ITGA2: variants seen among roughly 807,000 people sequenced by gnomAD.
ITGA2 encodes the protein integrin subunit alpha 2, also known as integrin alpha-2.
Under a neutral mutation model 146.3 loss-of-function variants are expected in ITGA2, and 101 were observed. That is an observed-to-expected ratio of 0.69 (90% CI 0.59 to 0.81). The LOEUF (loss-of-function observed/expected upper bound fraction) is 0.81, where lower values mean the gene tolerates loss of function less well. Among genes scored for constraint, ITGA2 ranks in the 40% least tolerant of loss-of-function variants. The pLI is 0.00. For synonymous variants in ITGA2, 477 were observed against 487.1 expected, an observed-to-expected ratio of 0.98 and a Z score of 0.27; for missense variants, 1,281 against 1,402.7, an observed-to-expected ratio of 0.91 and a Z score of 1.39.
intron 17 of ITGA2, among the ~76,000 whole-genome samples, 171 bp downstream of exon 17, chr5:53,070,431 G>T (rs1745336021): frequency 6.6e-6 from 1 of 151,820 alleles, no homozygotes. Context: ...AATATTTATG[G>T]TCACAATCTA....
chr5:53,015,537 C>T (rs1387223938), intron 1 of ITGA2, among the ~76,000 whole-genome samples: 1 of 151,730 alleles, frequency 6.6e-6, no homozygotes. Context: ...AGAGTATGTA[C>T]CTTGTGCAGA....
rs1165035820 is a variant in ITGA2 at position 53,065,767 on chromosome 5, A to T, written c.1807-74A>T. The T allele has an allele frequency of 1.9e-6, 3 of 1,594,608 alleles. No homozygotes were observed. The African/African-American group carries it at 4.0e-5, about 21-fold the overall frequency. ...ACATTACTATATAGAAAATATAATA[A>T]TGAAATTCAGAGGCTGCCATTTTCT... On this transcript the variant is annotated intron_variant, in intron 14 of 29. Transcript: ENST00000296585.
In ITGA2 at chr5:53,026,755, A is replaced by G. The variant is rs1327123852; in HGVS notation, c.72A>G (p.Leu24=). ...TCATATTTTTCTTAATAGGCATTTT[A>G]AATTGTTGTTTGGCCTACAATGTTG... ...LLVLALSQGI[L]NCCLAYNVGL... The change falls in exon 2 of 30, where the codon TTA becomes TTG. Residue 24 remains leucine (L), a synonymous_variant. Coordinates refer to ENST00000296585, the MANE Select transcript of ITGA2 (RefSeq NM_002203.4). 2 of 1,609,140 alleles carry G rather than the reference A, an allele frequency of 1.2e-6. No individual in the cohort carries two copies. Among genetic ancestry groups the G allele is most frequent in the East Asian group, 4.5e-5 (2 of 44,800 alleles).
rs112933466 is a variant in ITGA2 at position 52,998,727 on chromosome 5, T to C, written c.64+9195T>C. On this transcript the variant is annotated intron_variant, in intron 1 of 29. Transcript: ENST00000296585. ...TTCAGAACTTGGCTATAGTTCTTAC[T>C]GACTGCAAGCTGAGAAGACAGGCCC... 6.3e-3 allele frequency among the ~76,000 whole-genome samples: 953 copies of C among 152,282 alleles called. 14 individuals carry two copies. The highest frequency in any genetic ancestry group is 0.022 in the African/African-American group (910 of 41,556).
intron 1 of ITGA2, among the ~76,000 whole-genome samples, chr5:53,015,745 A>T (rs1742373869): frequency 6.6e-6 from 1 of 152,020 alleles, no homozygotes; most frequent in African/African-American, 2.4e-5. Flanking sequence ...GTCTCTAAGG[A>T]CTTGTTTTAT....
At chr5:52,994,953 A>G (rs938636349) in intron 1 of ITGA2, among the ~76,000 whole-genome samples, 4 of 152,336 alleles carry the variant, frequency 2.6e-5, no homozygotes, top group Non-Finnish European at 4.4e-5. Flanking sequence ...TAGATCTGCC[A>G]TGAAGAACCT....
In ITGA2 at chr5:53,074,252, G is replaced by A. The variant is rs141733830; in HGVS notation, c.2572-133G>A. 521 of 730,142 alleles carry A rather than the reference G, an allele frequency of 7.1e-4. 10 individuals are homozygous for A. The East Asian group carries it at 0.014, about 20-fold the overall frequency. 45.2% of individuals were successfully genotyped at this position (730,142 alleles called of 1,614,324 possible). A position where few individuals can be genotyped will look rare whatever the true frequency, so the allele number is the denominator to read the frequency against. ...GGCAGTATAAAATTTCAAGTCTTGA[G>A]GTATAATAAATTATTTCAGTATGAA... On this transcript the variant is annotated intron_variant, in intron 20 of 29. Coordinates refer to ENST00000296585, the MANE Select transcript of ITGA2 (RefSeq NM_002203.4).
chr5:53,026,218 A>G (rs1163827990), intron 1 of ITGA2, among the ~76,000 whole-genome samples: 1 of 152,220 alleles, frequency 6.6e-6, no homozygotes, highest in Non-Finnish European at 1.5e-5. Context: ...TGATGTAGTC[A>G]TCAATGCCTT....
At position 53,087,071 on chromosome 5, in the gene ITGA2, C is replaced by CCCT. The variant is rs552453379; in HGVS notation, c.3348+30_3348+31insCCT. The CCCT allele has an allele frequency of 2.1e-4, 324 of 1,514,494 alleles. 3 individuals are homozygous for CCCT. The East Asian group carries it at 6.5e-3, about 30-fold the overall frequency. The allele number at this position is 1,514,494 out of a possible 1,614,324, so 93.8% of individuals were successfully genotyped here. A position where few individuals can be genotyped will look rare whatever the true frequency, so the allele number is the denominator to read the frequency against. On this transcript the variant is annotated intron_variant, in intron 28 of 29. Transcript: ENST00000296585. ...GCATATCACACCCTTCCCTGTGAGC[C>CCCT]TCAGGGTCTGTGATGGCATTCCACT...
At chr5:53,031,865 A>G (rs1743243885) in intron 2 of ITGA2, among the ~76,000 whole-genome samples, 1 of 152,230 alleles carries the variant, frequency 6.6e-6, no homozygotes, top group Admixed American at 6.5e-5. Flanking sequence ...AATGTGGATG[A>G]TGCAATTCTT....
chr5:53,032,937 C>G (rs556895787), intron 2 of ITGA2, among the ~76,000 whole-genome samples: 72 of 152,238 alleles, frequency 4.7e-4, no homozygotes, highest in African/African-American at 1.5e-3. Flanking sequence ...CCTTATCAAA[C>G]TGGAATGTTA....
At chr5:52,996,403 G>A (rs907245894) in intron 1 of ITGA2, among the ~76,000 whole-genome samples, 1 of 152,152 alleles carries the variant, frequency 6.6e-6, no homozygotes, top group Non-Finnish European at 1.5e-5. Flanking sequence ...TAGGTGTCCA[G>A]CACTAGTAAC....
At chr5:53,018,115 C>G (rs1173046928) in intron 1 of ITGA2, among the ~76,000 whole-genome samples, 3 of 152,154 alleles carry the variant, frequency 2.0e-5, no homozygotes, top group African/African-American at 7.2e-5. Flanking sequence ...GGCCAGCAGA[C>G]AGGAGATGCT....
At chr5:53,062,134 T>TATCCTTGTCCTC (rs1744929145) in intron 12 of ITGA2, among the ~76,000 whole-genome samples, 1 of 151,886 alleles carries the variant, frequency 6.6e-6, no homozygotes. Flanking sequence ...CCTGTCCCAA[T>TATCCTTGTCCTC]CTATCCAGCA....
intron 17 of ITGA2, among the ~76,000 whole-genome samples, chr5:53,070,566 C>T (rs1449152618): frequency 1.3e-5 from 2 of 151,744 alleles, no homozygotes; most frequent in African/African-American, 4.8e-5. Context: ...TTTCCATTGG[C>T]AATAAATGTT....
chr5:53,065,728 A>G lies in ITGA2; in HGVS notation c.1807-113A>G. ...TGAATCTTTAGAATTTGTAGAGAATAAACACAATCTGGGACATTACTATAT... is the reference window on the plus strand; with the variant it reads ...TGAATCTTTAGAATTTGTAGAGAATGAACACAATCTGGGACATTACTATAT... On this transcript the variant is annotated intron_variant, in intron 14 of 29. Coordinates refer to ENST00000296585, the MANE Select transcript of ITGA2 (RefSeq NM_002203.4). The G allele has an allele frequency of 2.2e-6, 3 of 1,364,462 alleles. No homozygotes were observed. The South Asian group carries it at 3.7e-5, about 17-fold the overall frequency. The allele number at this position is 1,364,462 out of a possible 1,614,324, so 84.5% of individuals were successfully genotyped here. A position where few individuals can be genotyped will look rare whatever the true frequency, so the allele number is the denominator to read the frequency against.
intron 1 of ITGA2, among the ~76,000 whole-genome samples, chr5:52,991,481 C>G (rs1740952180): frequency 1.3e-5 from 2 of 151,822 alleles, no homozygotes; most frequent in Admixed American, 1.3e-4. Context: ...ATATCACATA[C>G]AAAAATTCAA....
chr5:53,081,301 T>G (rs980902493), intron 25 of ITGA2, among the ~76,000 whole-genome samples: 3 of 152,138 alleles, frequency 2.0e-5, no homozygotes, highest in African/African-American at 7.2e-5. Context: ...TCCTAAAATG[T>G]TCCAGAGAAA....
intron 3 of ITGA2, among the ~76,000 whole-genome samples, chr5:53,043,113 G>A (rs1485546308): frequency 2.6e-5 from 4 of 152,066 alleles, no homozygotes; most frequent in Non-Finnish European, 5.9e-5. Flanking sequence ...TGAAGGGGAT[G>A]AGGACTGAGT....
Sources: gnomAD v4.1 joint callset for allele counts (sites outside exome capture counted in the v4.1 genomes callset) on GRCh38, gnomAD v4.1.1 for gene constraint, MANE v1.5 for transcripts, NCBI Gene and HGNC (gene_info 2026-07-23, HGNC 2026-07-21) for gene names.